ABCC4: variants seen among roughly 807,000 people sequenced by gnomAD.
The protein encoded by ABCC4 is ATP binding cassette subfamily C member 4 (PEL blood group), also known as ATP-binding cassette sub-family C member 4.
ABCC4 carries 102 observed loss-of-function variants against 168.5 expected under a neutral mutation model. The ratio of observed to expected loss-of-function variants is 0.61; its 90% confidence interval spans 0.52 to 0.71. The LOEUF is 0.71. ABCC4 is among the 30% of genes least tolerant of loss of function. The pLI, the probability that ABCC4 is intolerant of heterozygous loss-of-function variation, is 0.00. For synonymous variants in ABCC4, 617 were observed against 590.7 expected (o/e 1.04, Z -0.65); for missense variants, 1,402 against 1,605.8 (o/e 0.87, Z 2.17).
chr13:95,129,928 A>T (rs976357252), intron 19 of ABCC4, among the ~76,000 whole-genome samples: 1 of 152,066 alleles, frequency 6.6e-6, no homozygotes, highest in East Asian at 1.9e-4. Context: ...TACAAAACTT[A>T]TTTGAGTGCA....
At chr13:95,220,533 G>T (rs1214393110) in intron 4 of ABCC4, among the ~76,000 whole-genome samples, 2 of 62,100 alleles carry the variant, frequency 3.2e-5, no homozygotes, top group Non-Finnish European at 9.6e-5. Context: ...GATTTGTGCA[G>T]CAGGAAAAAA....
In ABCC4 at chr13:95,186,884, C is replaced by G; in HGVS notation, c.1362G>C (p.Leu454=). ...VGPVGAGKSS[L]LSAVLGELAP... ...CCAATTCCCCGAGCACGGCACTTAA[C>G]AGTGATGACTGAAACAGATTGTAAA... The change falls in exon 11 of 31, where the codon CTG becomes CTC. Residue 454 remains leucine (L), a synonymous_variant. Coordinates refer to ENST00000645237, the MANE Select transcript of ABCC4 (RefSeq NM_005845.5). The G allele has an allele frequency of 6.2e-7, 1 of 1,610,258 alleles. No individual in the cohort carries two copies. Among genetic ancestry groups the G allele is most frequent in the Non-Finnish European group, 8.5e-7 (1 of 1,178,408 alleles).
intron 19 of ABCC4, among the ~76,000 whole-genome samples, chr13:95,159,998 G>A (rs1233097925): frequency 6.6e-6 from 1 of 152,168 alleles, no homozygotes; most frequent in Admixed American, 6.5e-5. Flanking sequence ...GTATTAACAT[G>A]CTTAATTCTC....
intron 19 of ABCC4, among the ~76,000 whole-genome samples, chr13:95,142,122 A>G (rs1439936557): frequency 6.6e-6 from 1 of 152,222 alleles, no homozygotes; most frequent in Non-Finnish European, 1.5e-5. Flanking sequence ...CGCGAAAAAG[A>G]TACTTGCATG....
At chr13:95,189,355 T>A (rs1336145614) in intron 9 of ABCC4, among the ~76,000 whole-genome samples, 1 of 151,632 alleles carries the variant, frequency 6.6e-6, no homozygotes, top group Non-Finnish European at 1.5e-5. Context: ...TCTCCTGACC[T>A]CGTGATCCGC....
chr13:95,089,023 C>G (rs2034344760), intron 20 of ABCC4, among the ~76,000 whole-genome samples: 1 of 151,844 alleles, frequency 6.6e-6, no homozygotes, highest in African/African-American at 2.4e-5. Context: ...AGAAGAGATA[C>G]TACAGGCATT....
At chr13:95,083,866 C>T (rs114319036) in intron 20 of ABCC4, among the ~76,000 whole-genome samples, 3,144 of 152,088 alleles carry the variant, frequency 0.021, 97 homozygotes, top group African/African-American at 0.071. Flanking sequence ...ATGAGTCAGG[C>T]ATTATTACTT....
intron 20 of ABCC4, among the ~76,000 whole-genome samples, chr13:95,110,442 T>C (rs1004251656): frequency 8.5e-5 from 13 of 152,146 alleles, no homozygotes; most frequent in African/African-American, 2.9e-4. Context: ...GTTGTAAATA[T>C]AGTCACAAAA....
chr13:95,290,987 G>C (rs1222384462), intron 1 of ABCC4, among the ~76,000 whole-genome samples: 2 of 540 alleles, frequency 3.7e-3, no homozygotes, highest in Non-Finnish European at 0.012. Context: ...GACAGAGCAA[G>C]ACCCTGTCTC....
chr13:95,103,752 T>C (rs1202536717), intron 20 of ABCC4, among the ~76,000 whole-genome samples: 4 of 152,182 alleles, frequency 2.6e-5, no homozygotes, highest in Middle Eastern at 3.2e-3. Flanking sequence ...TTCCTCTCCA[T>C]ATCCTTCCAC....
At chr13:95,108,641 CTTTT>C (rs11396828) in intron 20 of ABCC4, among the ~76,000 whole-genome samples, 8 of 145,270 alleles carry the variant, frequency 5.5e-5, no homozygotes, top group Admixed American at 3.4e-4. Flanking sequence ...AATCTATTTT[CTTTT>C]TTTTTTTTTT....
chr13:95,196,944 A>G (rs1432401965), intron 8 of ABCC4, among the ~76,000 whole-genome samples: 6 of 152,168 alleles, frequency 3.9e-5, no homozygotes, highest in Non-Finnish European at 5.9e-5. Flanking sequence ...AAACTCTTCC[A>G]TGACCCAGCA....
intron 3 of ABCC4, among the ~76,000 whole-genome samples, chr13:95,237,086 G>A (rs1190112435): frequency 6.6e-6 from 1 of 152,188 alleles, no homozygotes; most frequent in Non-Finnish European, 1.5e-5. Context: ...AGCCGTAGGT[G>A]AGTATGATTC....
At position 95,061,667 on chromosome 13, in the gene ABCC4, G is replaced by GC. The variant is rs2033301617; in HGVS notation, c.3366+1036_3366+1037insG. ...CAGCTCCCCTCAATGACTATAGAGTGTTAAAAAAAAAAAAAACCCACATTA... is the reference window on the plus strand; with the variant it reads ...CAGCTCCCCTCAATGACTATAGAGTGCTTAAAAAAAAAAAAAACCCACATTA... On this transcript the variant is annotated intron_variant, in intron 26 of 30. Transcript: ENST00000645237. Among the ~76,000 whole-genome samples, 5 of 80,164 alleles carry GC rather than the reference G, an allele frequency of 6.2e-5. No individual in the cohort carries two copies. The South Asian group carries it at 3.0e-3, about 48-fold the overall frequency. 52.6% of individuals were successfully genotyped at this position (80,164 alleles called of 152,430 possible).
chr13:95,161,080 G>C, intron 19 of ABCC4, 109 bp downstream of exon 19: 1 of 673,118 alleles, frequency 1.5e-6, no homozygotes. Context: ...AACATGCATA[G>C]TGATTTTCTT....
intron 8 of ABCC4, among the ~76,000 whole-genome samples, chr13:95,197,622 C>T (rs1214680825): frequency 6.6e-6 from 1 of 152,202 alleles, no homozygotes; most frequent in Non-Finnish European, 1.5e-5. Flanking sequence ...CAATGAGGTG[C>T]ATCCCCAGAA....
At chr13:95,280,500 C>T (rs1328309820) in intron 1 of ABCC4, among the ~76,000 whole-genome samples, 1 of 150,922 alleles carries the variant, frequency 6.6e-6, no homozygotes, top group Admixed American at 6.6e-5. Context: ...CAACAAAACC[C>T]TCACTGCCCA....
intron 5 of ABCC4, 89 bp from the exon 6 acceptor site, chr13:95,209,686 C>T: frequency 6.3e-6 from 8 of 1,272,738 alleles, no homozygotes; most frequent in Non-Finnish European, 7.4e-6. Context: ...TGGAAAAGAA[C>T]AGGCAAGATC....
chr13:95,087,712 C>A (rs2034302768), intron 20 of ABCC4, among the ~76,000 whole-genome samples: 2 of 152,278 alleles, frequency 1.3e-5, no homozygotes, highest in Middle Eastern at 3.4e-3. Flanking sequence ...TAAATGTAAG[C>A]TCCTAAGCCC....
Sources: gnomAD v4.1 joint callset for allele counts (sites outside exome capture counted in the v4.1 genomes callset) on GRCh38, gnomAD v4.1.1 for gene constraint, MANE v1.5 for transcripts, NCBI Gene and HGNC (gene_info 2026-07-23, HGNC 2026-07-21) for gene names.